The following DCLRE1C variants were observed in gnomAD, a reference collection of about 807,000 sequenced individuals.
The protein encoded by DCLRE1C is DNA cross-link repair 1C.
In DCLRE1C, 47 loss-of-function variants were observed where a neutral mutation model predicts 61.4. That is an observed-to-expected ratio of 0.77 (90% CI 0.61 to 0.98). DCLRE1C has a LOEUF of 0.98. DCLRE1C is among the 50% of genes least tolerant of loss of function. The probability of loss-of-function intolerance (pLI) is 0.00; values close to 1 mark genes in which losing one functional copy is unlikely to be tolerated. For synonymous variants in DCLRE1C, 337 were observed against 287.6 expected, an observed-to-expected ratio of 1.17 and a Z score of -1.74; for missense variants, 858 against 816.0, an observed-to-expected ratio of 1.05 and a Z score of -0.63.
chr10:14,935,702 T>C (rs1839795776), intron 5 of DCLRE1C, 138 bp from the exon 6 acceptor site: 1 of 892,412 alleles, frequency 1.1e-6, no homozygotes, highest in South Asian at 1.4e-5. Context: ...CCACAGTAAT[T>C]TGAACCACAC....
At chr10:14,925,668 T>A (rs1055194632) in intron 11 of DCLRE1C, among the ~76,000 whole-genome samples, 1 of 152,200 alleles carries the variant, frequency 6.6e-6, no homozygotes, top group Non-Finnish European at 1.5e-5. Context: ...CTATCTAACA[T>A]ACATATTTTC....
At position 14,908,653 on chromosome 10, in the gene DCLRE1C, C is replaced by T. The variant is rs751811224; in HGVS notation, c.1834G>A (p.Val612Met). 6 of 1,614,200 alleles carry T rather than the reference C, an allele frequency of 3.7e-6. No individual in the cohort carries two copies. The Admixed American group carries it at 1.0e-4, about 27-fold the overall frequency. Residue 612 changes from valine to methionine, a missense_variant, in exon 14 of 14, where the codon GTG (valine) becomes ATG (methionine). By Grantham distance (21) the Val-to-Met change is conservative (BLOSUM62 1). Transcript: ENST00000378278. ...YSDLKSRDKD[V>M]TIVPSTGEPT... ...TCTCCAGTACTAGGAACTATTGTCA[C>T]ATCTTTATCTCTGCTTTTCAAATCA...
chr10:14,930,809 T>TATTTATATGTGC (rs1838865268), intron 9 of DCLRE1C, among the ~76,000 whole-genome samples: 1 of 152,222 alleles, frequency 6.6e-6, no homozygotes, highest in Non-Finnish European at 1.5e-5. Flanking sequence ...TATATATGTG[T>TATTTATATGTGC]ATTTATATGT....
intron 13 of DCLRE1C, among the ~76,000 whole-genome samples, chr10:14,914,057 T>C (rs1022288080): frequency 2.6e-5 from 4 of 152,174 alleles, no homozygotes; most frequent in Non-Finnish European, 5.9e-5. Flanking sequence ...ACCATATCAA[T>C]GGGTACCATT....
intron 11 of DCLRE1C, among the ~76,000 whole-genome samples, chr10:14,924,795 C>G (rs41298926): frequency 2.0e-5 from 3 of 151,392 alleles, no homozygotes; most frequent in South Asian, 2.1e-4. Context: ...TGCAGTGAGC[C>G]GAGATCACGC....
intron 13 of DCLRE1C, 131 bp from the exon 14 acceptor site, chr10:14,909,461 T>C: frequency 2.6e-6 from 2 of 776,730 alleles, no homozygotes; most frequent in Non-Finnish European, 4.1e-6. Context: ...GAAAAGATAT[T>C]CTTGGGATAT....
intron 13 of DCLRE1C, chr10:14,911,386 A>G (rs973023579): frequency 6.6e-6 from 1 of 152,236 alleles, no homozygotes; most frequent in Admixed American, 6.5e-5. Context: ...TGCTAACCAC[A>G]TGCCAGAACA....
rs557135516 is a variant in DCLRE1C, at chr10:14,899,235, G to A, written c.1234C>T (p.Arg412Ter). 2.0e-5 allele frequency: 14 copies of A among 702,040 alleles called. No homozygotes were observed. The highest frequency in any genetic ancestry group is 2.7e-5 in the East Asian group (1 of 37,284). 43.5% of individuals were successfully genotyped at this position (702,040 alleles called of 1,614,324 possible). A position where few individuals can be genotyped will look rare whatever the true frequency, so the allele number is the denominator to read the frequency against. ...GTCAGGAGGCTGAGGCAGGAAGATC[G>A]CTTGATCCCAGGAGTTAAAGGATAC... Residue 412 changes from arginine to a stop codon, truncating the protein, a stop_gained, in exon 14 of 14, where the codon CGA becomes TGA. Transcript: ENST00000378289. LOFTEE classifies it high-confidence loss of function.
intron 13 of DCLRE1C, among the ~76,000 whole-genome samples, chr10:14,915,639 T>TA (rs561053229): frequency 0.022 from 3,151 of 142,842 alleles, 94 homozygotes; most frequent in African/African-American, 0.069. Flanking sequence ...CATTTGTAGT[T>TA]AAAAAAAAAA....
chr10:14,937,425 G>C (rs184064586), intron 4 of DCLRE1C, among the ~76,000 whole-genome samples: 43 of 151,826 alleles, frequency 2.8e-4, no homozygotes, highest in Non-Finnish European at 5.7e-4. Context: ...TGGGATTATA[G>C]GCGCCTGCCA....
chr10:14,952,068 G>C (rs574963672), intron 1 of DCLRE1C, among the ~76,000 whole-genome samples: 5 of 152,186 alleles, frequency 3.3e-5, no homozygotes, highest in Non-Finnish European at 5.9e-5. Flanking sequence ...TTCAACAGTA[G>C]GGAAGAGTCC....
downstream of DCLRE1C, chr10:14,901,299 T>A: frequency 6.2e-7 from 1 of 1,611,822 alleles, no homozygotes; most frequent in Non-Finnish European, 8.5e-7. Flanking sequence ...GGTGTCAGTT[T>A]CAATATGAAG....
downstream of DCLRE1C, among the ~76,000 whole-genome samples, chr10:14,900,964 GA>G (rs1329883402): frequency 6.6e-6 from 1 of 152,062 alleles, no homozygotes; most frequent in African/African-American, 2.4e-5. Context: ...TTTTATAAGG[GA>G]AAAAAATCTT....
At chr10:14,901,420 G>C (rs1320404152), downstream of DCLRE1C, among the ~76,000 whole-genome samples, 1 of 152,164 alleles carries the variant, frequency 6.6e-6, no homozygotes, top group Non-Finnish European at 1.5e-5. Flanking sequence ...TAATCCAACA[G>C]CTAATACTAG....
intron 12 of DCLRE1C, among the ~76,000 whole-genome samples, chr10:14,922,233 G>A (rs185954147): frequency 2.0e-4 from 31 of 152,292 alleles, no homozygotes; most frequent in African/African-American, 3.4e-4. Context: ...TTGAGCTCGG[G>A]AGTTCGAGAC....
chr10:14,910,241 T>C (rs1428755988), intron 13 of DCLRE1C, among the ~76,000 whole-genome samples: 1 of 152,228 alleles, frequency 6.6e-6, no homozygotes, highest in Non-Finnish European at 1.5e-5. Context: ...ACCTCATTCT[T>C]AAAGGTTCAG....
intron 8 of DCLRE1C, 104 bp from the exon 9 acceptor site, chr10:14,933,059 T>C (rs1421471568): frequency 7.8e-7 from 1 of 1,279,248 alleles, no homozygotes; most frequent in Non-Finnish European, 1.1e-6. Flanking sequence ...GAATTAACCC[T>C]CTCTTCTTTC....
At chr10:14,916,759 C>A (rs35001362) in intron 13 of DCLRE1C, among the ~76,000 whole-genome samples, 49,285 of 152,044 alleles carry the variant, frequency 0.32, 9,311 homozygotes, top group African/African-American at 0.53. Context: ...GAAATTAGAG[C>A]AGACTTAAGT....
At chr10:14,949,152 A>C (rs965741158) in intron 1 of DCLRE1C, 65 bp from the exon 2 acceptor site, 2 of 1,131,112 alleles carry the variant, frequency 1.8e-6, no homozygotes, top group Non-Finnish European at 2.7e-6. Flanking sequence ...CCCAAGGGAA[A>C]CAGTCGTCTT....
Sources: allele counts gnomAD v4.1 joint callset (sites outside exome capture counted in the v4.1 genomes callset), GRCh38; gene constraint gnomAD v4.1.1; transcripts MANE v1.5; gene names NCBI Gene and HGNC (gene_info 2026-07-23, HGNC 2026-07-21).